The following GPATCH8 variants were observed in gnomAD, a reference collection of about 807,000 sequenced individuals.
GPATCH8 encodes G-patch domain containing 8.
GPATCH8 carries 18 observed loss-of-function variants against 118.3 expected under a neutral mutation model. That is an observed-to-expected ratio of 0.15 (90% confidence interval 0.11 to 0.23). GPATCH8 has a LOEUF of 0.23. GPATCH8 is among the 10% of genes least tolerant of loss of function. The pLI is 1.00. For missense variants in GPATCH8, 1,631 were observed against 1,873.8 expected (o/e 0.87, Z 2.39); for synonymous variants, 659 against 684.7 (o/e 0.96, Z 0.59).
chr17:44,435,370 A>G (rs1436307717), intron 4 of GPATCH8, among the ~76,000 whole-genome samples: 1 of 150,832 alleles, frequency 6.6e-6, no homozygotes, highest in Non-Finnish European at 1.5e-5. Flanking sequence ...ATTTGTTGAA[A>G]GTAGACTTCA....
chr17:44,405,073 A>C (rs950834002), intron 7 of GPATCH8, among the ~76,000 whole-genome samples: 3 of 152,358 alleles, frequency 2.0e-5, no homozygotes, highest in Non-Finnish European at 4.4e-5. Flanking sequence ...AAGAAATAAT[A>C]AATGTTTGAG....
At chr17:44,466,946 T>C (rs1049692314) in intron 2 of GPATCH8, 2 of 314,026 alleles carry the variant, frequency 6.4e-6, no homozygotes, top group African/African-American at 4.3e-5. Flanking sequence ...TGTTGTTTCT[T>C]TTTTAAAGAA....
At chr17:44,473,088 C>T (rs1186310188) in intron 2 of GPATCH8, among the ~76,000 whole-genome samples, 3 of 151,972 alleles carry the variant, frequency 2.0e-5, no homozygotes, top group Non-Finnish European at 4.4e-5. Flanking sequence ...CAAAATTCTG[C>T]CTTGTCATAA....
intron 1 of GPATCH8, among the ~76,000 whole-genome samples, chr17:44,499,581 C>G (rs958200482): frequency 2.6e-5 from 4 of 152,240 alleles, no homozygotes; most frequent in Non-Finnish European, 2.9e-5. Flanking sequence ...AGCTGCATCA[C>G]CAATAATAGC....
chr17:44,493,922 T>C (rs745492018), intron 1 of GPATCH8, among the ~76,000 whole-genome samples: 1 of 152,174 alleles, frequency 6.6e-6, no homozygotes, highest in African/African-American at 2.4e-5. Context: ...ACCATGACAG[T>C]ATACAACTAT....
chr17:44,442,885 C>T (rs1407572034), intron 3 of GPATCH8, among the ~76,000 whole-genome samples: 1 of 152,172 alleles, frequency 6.6e-6, no homozygotes, highest in Non-Finnish European at 1.5e-5. Flanking sequence ...TGAGACCATA[C>T]TGGGCAATAG....
At chr17:44,452,486 C>G (rs753245432) in intron 3 of GPATCH8, among the ~76,000 whole-genome samples, 3 of 152,068 alleles carry the variant, frequency 2.0e-5, no homozygotes, top group Non-Finnish European at 4.4e-5. Context: ...GCTAGTCAAA[C>G]ATGTGCATAA....
chr17:44,453,506 T>TGTGTGTGTGTGTGTGTGG (rs2051204830), intron 3 of GPATCH8, among the ~76,000 whole-genome samples: 1 of 149,614 alleles, frequency 6.7e-6, no homozygotes, highest in Non-Finnish European at 1.5e-5. Context: ...TAGGGGTGTG[T>TGTGTGTGTGTGTGTGTGG]GTGTGTGTGT....
intron 5 of GPATCH8, among the ~76,000 whole-genome samples, chr17:44,432,644 T>TG (rs776021599): frequency 3.9e-5 from 6 of 152,066 alleles, no homozygotes; most frequent in Non-Finnish European, 7.4e-5. Flanking sequence ...CATGAGTGTG[T>TG]GGTGCTAGAG....
chr17:44,500,894 C>T (rs979947596), intron 1 of GPATCH8, among the ~76,000 whole-genome samples: 8 of 152,214 alleles, frequency 5.3e-5, no homozygotes, highest in African/African-American at 1.9e-4. Flanking sequence ...AATCCTATTA[C>T]ATTACATTCT....
chr17:44,399,175 TACG>T lies in GPATCH8; in HGVS notation c.2899_2901del (p.Arg967del). 1.2e-6 allele frequency: 2 copies of T among 1,611,446 alleles called. No homozygotes were observed. Among genetic ancestry groups the T allele is most frequent in the African/African-American group, 1.3e-5 (1 of 74,914 alleles). ...CTACGGCTTCTCCGCTTGCTTCGAC[TACG>T]ACTACAACTGCTGCTGCGGCTGCGG... On this transcript the variant is annotated inframe_deletion, in exon 8 of 8. Coordinates refer to ENST00000591680, the MANE Select transcript of GPATCH8 (RefSeq NM_001002909.4).
In GPATCH8 at chr17:44,398,850, G is replaced by A; in HGVS notation, c.3227C>T (p.Ser1076Leu). 6.2e-7 allele frequency: 1 copy of A among 1,613,814 alleles called. No homozygotes were observed. The highest frequency in any genetic ancestry group is 8.5e-7 in the Non-Finnish European group (1 of 1,179,710). The stretch of plus-strand genomic sequence containing the variant: ...GTCTTCAGGACTGCAGTCACCTTCT[G>A]ACCCTCTTCCTGTGCCAATGTTGCT... ...QNSNIGTGRG[S>L]EGDCSPEDKN... The change falls in exon 8 of 8, where the codon TCA (serine) becomes TTA (leucine). Residue 1076 changes from serine to leucine, a missense_variant. This residue lies in a region of GPATCH8 where 922 missense variants were observed against 879.7 expected (regional missense o/e 1.05). Coordinates refer to ENST00000591680, the MANE Select transcript of GPATCH8 (RefSeq NM_001002909.4).
chr17:44,406,740 G>A (rs952574397), intron 6 of GPATCH8, among the ~76,000 whole-genome samples: 1 of 152,156 alleles, frequency 6.6e-6, no homozygotes, highest in South Asian at 2.1e-4. Flanking sequence ...GGAATATCCA[G>A]GGGATGAGGA....
In GPATCH8 at chr17:44,470,484, G is replaced by A. The variant is rs1967190296; in HGVS notation, c.120+4345C>T. Among the ~76,000 whole-genome samples the A allele has an allele frequency of 2.9e-5, 4 of 135,774 alleles. No homozygotes were observed. The Admixed American group carries it at 3.1e-4, about 10-fold the overall frequency. The allele number at this position is 135,774 out of a possible 152,430, so 89.1% of individuals were successfully genotyped here. ...GCTGGGATTATAGGTGTGAGCCACT[G>A]CACCCAGCGCTTTTTTTTTTTTTTT... On this transcript the variant is annotated intron_variant, in intron 2 of 7. Coordinates refer to ENST00000591680, the MANE Select transcript of GPATCH8 (RefSeq NM_001002909.4).
In GPATCH8 at chr17:44,444,240, G is replaced by A. The variant is rs1160003272; in HGVS notation, c.194-7695C>T. ...AGAAGAGATAATAAAGAGAATTCAT[G>A]AGTTACTTTCAATTAAAAAAAAAAA... On this transcript the variant is annotated intron_variant, in intron 3 of 7. Coordinates refer to ENST00000591680, the MANE Select transcript of GPATCH8 (RefSeq NM_001002909.4). 5.5e-5 allele frequency among the ~76,000 whole-genome samples: 6 copies of A among 109,378 alleles called. 1 individual carries two copies. The highest frequency in any genetic ancestry group is 9.0e-5 in the Non-Finnish European group (5 of 55,482). 71.8% of individuals were successfully genotyped at this position (109,378 alleles called of 152,430 possible).
intron 3 of GPATCH8, among the ~76,000 whole-genome samples, chr17:44,444,239 T>C (rs11652426): frequency 0.54 from 75,091 of 139,050 alleles, 20,460 homozygotes; most frequent in Middle Eastern, 0.64. Flanking sequence ...AGAGAATTCA[T>C]GAGTTACTTT....
chr17:44,396,239 C>T lies in GPATCH8; in HGVS notation c.*1329G>A, dbSNP rs1567914563. 2.2e-6 allele frequency: 1 copy of T among 454,506 alleles called. No individual in the cohort carries two copies. Among genetic ancestry groups the T allele is most frequent in the East Asian group, 6.9e-5 (1 of 14,404 alleles). 28.2% of individuals were successfully genotyped at this position (454,506 alleles called of 1,614,324 possible). On this transcript the variant is annotated 3_prime_UTR_variant, in exon 8 of 8. Coordinates refer to ENST00000591680, the MANE Select transcript of GPATCH8 (RefSeq NM_001002909.4). Reference sequence around the variant, plus strand: ...TACCCAGGGAAACCCAGGAATCCCCCCAGACAATCACCAAATCTCACTGCT... The same window carrying T: ...TACCCAGGGAAACCCAGGAATCCCCTCAGACAATCACCAAATCTCACTGCT...
At chr17:44,429,685 C>CACACACACACACAA (rs1567976291) in intron 5 of GPATCH8, among the ~76,000 whole-genome samples, 1 of 141,532 alleles carries the variant, frequency 7.1e-6, no homozygotes, top group Non-Finnish European at 1.5e-5. Flanking sequence ...CACACACACA[C>CACACACACACACAA]AAAACAACAA....
intron 3 of GPATCH8, among the ~76,000 whole-genome samples, chr17:44,449,526 T>C (rs1035720345): frequency 9.5e-5 from 14 of 148,142 alleles, no homozygotes; most frequent in African/African-American, 3.5e-4. Context: ...TTTTTTTTTT[T>C]TTTTCCTGAG....
Sources: gnomAD v4.1 joint callset for allele counts (sites outside exome capture counted in the v4.1 genomes callset) on GRCh38, gnomAD v4.1.1 for gene constraint, gnomAD v4.1.1 regional missense constraint, MANE v1.5 for transcripts, NCBI Gene and HGNC (gene_info 2026-07-23, HGNC 2026-07-21) for gene names.